The following C10orf105 variants were observed in gnomAD, a reference collection of about 807,000 sequenced individuals.
C10orf105 encodes uncharacterized protein C10orf105.
Under a neutral mutation model 0.6 loss-of-function variants are expected in C10orf105, and 2 were observed. The observed-to-expected ratio is 3.18, with a 90% CI of 1.30 to 10.01. The LOEUF (loss-of-function observed/expected upper bound fraction) is 10.01, where lower values mean the gene tolerates loss of function less well. Ranked by LOEUF, C10orf105 falls within the 30% of genes most tolerant of loss-of-function variation. C10orf105 has a pLI of 0.04. For synonymous variants in C10orf105, 95 were observed against 82.4 expected, an observed-to-expected ratio of 1.15 and a Z score of -0.83; for missense variants, 209 against 191.4, an observed-to-expected ratio of 1.09 and a Z score of -0.54.
Position 71,732,317 on chromosome 10 carries a change from G to A in C10orf105, c.-6+5411C>T, listed in dbSNP as rs768452198. On this transcript the variant is annotated intron_variant, in intron 1 of 1. Transcript: ENST00000398786. ...GACAACCTCAACCAAATCACGTACC[G>A]CTTCAACGCCTACACCAGCACCCAG... 2.1e-5 allele frequency: 34 copies of A among 1,603,582 alleles called. 1 individual carries two copies. Among genetic ancestry groups the A allele is most frequent in the South Asian group, 1.9e-4 (17 of 89,548 alleles).
intron 1 of C10orf105, among the ~76,000 whole-genome samples, chr10:71,727,024 T>G (rs1372967034): frequency 6.6e-6 from 1 of 152,222 alleles, no homozygotes. Flanking sequence ...CCACACCTGC[T>G]CAGCTACTTA....
At chr10:71,737,660 T>C (rs1839604695) in intron 1 of C10orf105, 1 of 467,378 alleles carries the variant, frequency 2.1e-6, no homozygotes. Flanking sequence ...AGAAGGCCTG[T>C]CCTGGGATAC....
At chr10:71,716,457 C>G in intron 1 of C10orf105, 115 bp from the exon 2 acceptor site, 1 of 785,576 alleles carries the variant, frequency 1.3e-6, no homozygotes, top group Non-Finnish European at 2.0e-6. Flanking sequence ...TTAAACTGGA[C>G]AGCATCATGG....
Position 71,716,262 on chromosome 10 carries a change from G to A in C10orf105, c.76C>T (p.Pro26Ser), listed in dbSNP as rs114561565. Reference sequence around the variant, plus strand: ...TCAGTTGCCTCTGCAAGGGTCCCGGGAGTGACGGGAGCTGAGAGAAAGGCG... The same window carrying A: ...TCAGTTGCCTCTGCAAGGGTCCCGGAAGTGACGGGAGCTGAGAGAAAGGCG... The part of the protein sequence containing the change: ...PLAFLSAPVT[P>S]GTLAEATDPL... The change falls in exon 2 of 2, where the codon CCC becomes TCC. Residue 26 changes from proline (P) to serine (S), a missense_variant. Coordinates refer to ENST00000441508, the MANE Select transcript of C10orf105 (RefSeq NM_001164375.3). 4,228 of 1,543,424 alleles carry A rather than the reference G, an allele frequency of 2.7e-3. 65 individuals carry two copies. In the African/African-American group the frequency reaches 0.043, roughly 16 times the overall value.
intron 1 of C10orf105, chr10:71,732,191 T>C: frequency 1.2e-6 from 2 of 1,613,946 alleles, no homozygotes; most frequent in Non-Finnish European, 1.7e-6. Flanking sequence ...CTCAACGAGC[T>C]GGACGAGGCC....
At position 71,712,870 on chromosome 10, in the gene C10orf105, A is replaced by G. The variant is rs777616794; in HGVS notation, c.*3066T>C. The G allele has an allele frequency of 5.7e-6, 9 of 1,577,170 alleles. No individual in the cohort carries two copies. The highest frequency in any genetic ancestry group is 7.8e-6 in the Non-Finnish European group (9 of 1,158,620). ...TGGGCTGGGGGAGGCGGAGCCACAC[A>G]CGGCCCTGAGGGCACATGCTCAGTG... On this transcript the variant is annotated 3_prime_UTR_variant, in exon 2 of 2. Transcript: ENST00000441508.
rs1301385893 is a variant in C10orf105, at chr10:71,712,673, C to G, written c.*3263G>C. On this transcript the variant is annotated 3_prime_UTR_variant, in exon 2 of 2. Transcript: ENST00000441508. ...TCCTTCAACTCCCACAGACAACGGC[C>G]CTGTAGGGAAGCGACACACGGGCAC... 1 of 1,613,484 alleles carries G rather than the reference C, an allele frequency of 6.2e-7. No individual in the cohort carries two copies. The highest frequency in any genetic ancestry group is 1.3e-5 in the African/African-American group (1 of 74,948).
At chr10:71,735,619 C>T (rs914321270) in intron 1 of C10orf105, among the ~76,000 whole-genome samples, 1 of 152,190 alleles carries the variant, frequency 6.6e-6, no homozygotes, top group Non-Finnish European at 1.5e-5. Flanking sequence ...ATTGCCACGC[C>T]CTGCTGAGTC....
At chr10:71,727,391 C>A (rs980232624) in intron 1 of C10orf105, among the ~76,000 whole-genome samples, 2 of 152,250 alleles carry the variant, frequency 1.3e-5, no homozygotes, top group Non-Finnish European at 2.9e-5. Context: ...TGAGGGCTGG[C>A]CCCTGGGGCA....
chr10:71,732,240 G>A, intron 1 of C10orf105: 1 of 1,613,754 alleles, frequency 6.2e-7, no homozygotes, highest in Non-Finnish European at 8.5e-7. Context: ...CTGCCATCCT[G>A]GAGAATCTGG....
Position 71,715,932 on chromosome 10 carries a change from C to A in C10orf105, c.*4G>T. On this transcript the variant is annotated 3_prime_UTR_variant, in exon 2 of 2. Transcript: ENST00000441508. ...GATGTGGGGGCATGTTTGTGGACACCCCATTACATCTTGGTAGATTCCATG... is the reference window on the plus strand; with the variant it reads ...GATGTGGGGGCATGTTTGTGGACACACCATTACATCTTGGTAGATTCCATG... The A allele has an allele frequency of 6.9e-7, 1 of 1,458,096 alleles. No homozygotes were observed. The highest frequency in any genetic ancestry group is 2.5e-5 in the East Asian group (1 of 39,578). The allele number at this position is 1,458,096 out of a possible 1,614,324, so 90.3% of individuals were successfully genotyped here. A position where few individuals can be genotyped will look rare whatever the true frequency, so the allele number is the denominator to read the frequency against.
chr10:71,721,839 C>A (rs1346312079), upstream of C10orf105, among the ~76,000 whole-genome samples: 1 of 152,228 alleles, frequency 6.6e-6, no homozygotes, highest in Non-Finnish European at 1.5e-5. Context: ...GCTGTCCCTG[C>A]ATGAGCCCTT....
At position 71,716,259 on chromosome 10, in the gene C10orf105, C is replaced by G; in HGVS notation, c.79G>C (p.Gly27Arg). The change falls in exon 2 of 2, where the codon GGG becomes CGG. Residue 27 changes from glycine (G) to arginine (R), a missense_variant. Physicochemically the swap from Gly to Arg is moderately radical, Grantham distance 125 (BLOSUM62 -2). Coordinates refer to ENST00000441508, the MANE Select transcript of C10orf105 (RefSeq NM_001164375.3). ...LAFLSAPVTP[G>R]TLAEATDPLP... ...GGGTCAGTTGCCTCTGCAAGGGTCCCGGGAGTGACGGGAGCTGAGAGAAAG... is the reference window on the plus strand; with the variant it reads ...GGGTCAGTTGCCTCTGCAAGGGTCCGGGGAGTGACGGGAGCTGAGAGAAAG... The G allele has an allele frequency of 6.5e-7, 1 of 1,542,232 alleles. No individual in the cohort carries two copies. Among genetic ancestry groups the G allele is most frequent in the Non-Finnish European group, 8.8e-7 (1 of 1,141,390 alleles).
chr10:71,718,588 C>A (rs1193579849), intron 1 of C10orf105, among the ~76,000 whole-genome samples: 2 of 152,230 alleles, frequency 1.3e-5, no homozygotes, highest in Non-Finnish European at 2.9e-5. Flanking sequence ...GGGAGAAAAT[C>A]AGCCATCCCT....
upstream of C10orf105, chr10:71,724,092 C>T: frequency 6.4e-7 from 1 of 1,558,626 alleles, no homozygotes; most frequent in Non-Finnish European, 8.7e-7. Flanking sequence ...GTGTGTGGTA[C>T]CGCATCCTCC....
rs202204597 is a variant in C10orf105, at chr10:71,732,010, C to T, written c.-6+5718G>A. The T allele has an allele frequency of 3.1e-4, 507 of 1,613,690 alleles. No homozygotes were observed. Among genetic ancestry groups the T allele is most frequent in the Non-Finnish European group, 4.1e-4 (480 of 1,179,814 alleles). On this transcript the variant is annotated intron_variant, in intron 1 of 1. Coordinates refer to the C10orf105 transcript ENST00000398786. ...AGGGGATGGTGGCCTGGTGAACTAC[C>T]GCATCCTGTCGGGCGCAGAGGGGAA...
Position 71,715,866 on chromosome 10 carries a change from C to CCGGT in C10orf105, c.*66_*69dup. On this transcript the variant is annotated 3_prime_UTR_variant, in exon 2 of 2. Coordinates refer to ENST00000441508, the MANE Select transcript of C10orf105 (RefSeq NM_001164375.3). Reference sequence around the variant, plus strand: ...CACTGTCTTCCTGCAGCCTGCAGCACCGGTCTCTGAAGCAGGAGGATCTAC... The same window carrying CCGGT: ...CACTGTCTTCCTGCAGCCTGCAGCACCGGTCGGTCTCTGAAGCAGGAGGATCTAC... 7.2e-7 allele frequency: 1 copy of CCGGT among 1,387,246 alleles called. No homozygotes were observed. Among genetic ancestry groups the CCGGT allele is most frequent in the South Asian group, 1.6e-5 (1 of 64,470 alleles). 85.9% of individuals were successfully genotyped at this position (1,387,246 alleles called of 1,614,324 possible). A position where few individuals can be genotyped will look rare whatever the true frequency, so the allele number is the denominator to read the frequency against.
rs2132825712 is a variant in C10orf105 at position 71,732,268 on chromosome 10, G to A, written c.-6+5460C>T. On this transcript the variant is annotated intron_variant, in intron 1 of 1. Coordinates refer to the C10orf105 transcript ENST00000398786. ...GAATCTGGCACTGGGTACTGAGATTGTGCGGGTCCAGGCCTACTCCATCGA... is the reference window on the plus strand; with the variant it reads ...GAATCTGGCACTGGGTACTGAGATTATGCGGGTCCAGGCCTACTCCATCGA... The A allele has an allele frequency of 1.2e-6, 2 of 1,613,620 alleles. No homozygotes were observed. Among genetic ancestry groups the A allele is most frequent in the South Asian group, 2.2e-5 (2 of 90,990 alleles).
rs1366026231 is a variant in C10orf105 at position 71,713,637 on chromosome 10, C to G, written c.*2299G>C. On this transcript the variant is annotated 3_prime_UTR_variant, in exon 2 of 2. Coordinates refer to ENST00000441508, the MANE Select transcript of C10orf105 (RefSeq NM_001164375.3). Reference sequence around the variant, plus strand: ...GGATTTGCGAGAGTGTGGTGGCTAGCTCCAGAAGGAGGAAGTAGAGGGTTC... The same window carrying G: ...GGATTTGCGAGAGTGTGGTGGCTAGGTCCAGAAGGAGGAAGTAGAGGGTTC... The G allele has an allele frequency of 3.5e-6, 1 of 289,486 alleles. No homozygotes were observed. The highest frequency in any genetic ancestry group is 2.2e-5 in the African/African-American group (1 of 45,084). The allele number at this position is 289,486 out of a possible 1,614,324, so 17.9% of individuals were successfully genotyped here.
Sources: allele counts gnomAD v4.1 joint callset (sites outside exome capture counted in the v4.1 genomes callset), GRCh38; gene constraint gnomAD v4.1.1; transcripts MANE v1.5; gene names NCBI Gene and HGNC (gene_info 2026-07-23, HGNC 2026-07-21).